Variants in DLG1 observed in about 807,000 individuals in gnomAD.
DLG1 encodes disks large homolog 1.
In DLG1, 42 loss-of-function variants were observed where a neutral mutation model predicts 123.4. The ratio of observed to expected loss-of-function variants is 0.34; its 90% CI spans 0.27 to 0.44. DLG1 has a LOEUF of 0.44. Among genes scored for constraint, DLG1 ranks in the 20% least tolerant of loss-of-function variants. The pLI is 1.00. For missense variants in DLG1, 942 were observed against 1,082.6 expected (o/e 0.87, Z 1.82); for synonymous variants, 317 against 356.2 (o/e 0.89, Z 1.24).
At chr3:197,297,346 G>A (rs549830088) in intron 1 of DLG1, 111 bp from the exon 2 acceptor site, 7 of 1,488,914 alleles carry the variant, frequency 4.7e-6, no homozygotes, top group African/African-American at 2.8e-5. Flanking sequence ...ACGTTCCAAA[G>A]TTTTACCAAG....
At chr3:197,149,619 A>T (rs1792885428) in intron 6 of DLG1, 124 bp downstream of exon 6, 1 of 736,470 alleles carries the variant, frequency 1.4e-6, no homozygotes, top group Admixed American at 2.2e-5. Context: ...GCTATAGTAT[A>T]TAGTGATAGA....
At chr3:197,054,099 A>C (rs1415329236) in intron 23 of DLG1, among the ~76,000 whole-genome samples, 1 of 152,122 alleles carries the variant, frequency 6.6e-6, no homozygotes, top group Non-Finnish European at 1.5e-5. Flanking sequence ...TTGTCTCAAA[A>C]AACAAACAAA....
intron 5 of DLG1, among the ~76,000 whole-genome samples, chr3:197,173,865 A>G (rs1489570573): frequency 6.6e-6 from 1 of 152,208 alleles, no homozygotes; most frequent in Non-Finnish European, 1.5e-5. Context: ...ACACTTTGGG[A>G]GGCCGAGGCA....
intron 4 of DLG1, among the ~76,000 whole-genome samples, chr3:197,219,990 A>T (rs1205135457): frequency 6.6e-6 from 1 of 152,192 alleles, no homozygotes; most frequent in East Asian, 1.9e-4. Flanking sequence ...GCTTTAAAAA[A>T]CATTACTATG....
chr3:197,076,623 G>A lies in DLG1; in HGVS notation c.1968C>T (p.Asn656=). 1 of 1,612,850 alleles carries A rather than the reference G, an allele frequency of 6.2e-7. No individual in the cohort carries two copies. Among genetic ancestry groups the A allele is most frequent in the Non-Finnish European group, 8.5e-7 (1 of 1,179,196 alleles). ...LFSRKFPFYK[N]KDQSEQETSD... ...TTGTTTCCTGCTCACTCTGGTCCTT[G>A]TTCTTGTAGAAGGGGAATTTTCGGG... The change falls in exon 18 of 25, where the codon AAC becomes AAT. Residue 656 remains asparagine, a synonymous_variant. Transcript: ENST00000667157.
intron 4 of DLG1, among the ~76,000 whole-genome samples, chr3:197,227,246 T>C (rs1042953103): frequency 2.0e-5 from 3 of 151,974 alleles, no homozygotes; most frequent in African/African-American, 7.2e-5. Context: ...CCGAGGTGGG[T>C]GGATCATCTG....
chr3:197,155,443 A>T (rs1359527818), intron 5 of DLG1, among the ~76,000 whole-genome samples: 1 of 152,210 alleles, frequency 6.6e-6, no homozygotes, highest in Non-Finnish European at 1.5e-5. Flanking sequence ...TAAAGGTAGC[A>T]GTTCAGGTTG....
At chr3:197,280,832 C>A (rs1209921097) in intron 4 of DLG1, among the ~76,000 whole-genome samples, 1 of 152,036 alleles carries the variant, frequency 6.6e-6, no homozygotes, top group Admixed American at 6.6e-5. Flanking sequence ...TGTCTTAGTC[C>A]CTTCTGTGTT....
intron 5 of DLG1, among the ~76,000 whole-genome samples, chr3:197,161,068 T>C (rs958554868): frequency 2.0e-5 from 3 of 152,200 alleles, no homozygotes; most frequent in African/African-American, 4.8e-5. Flanking sequence ...TTTAAACTGT[T>C]ACACATAATT....
At chr3:197,281,232 T>C (rs1198376529) in intron 4 of DLG1, among the ~76,000 whole-genome samples, 1 of 152,154 alleles carries the variant, frequency 6.6e-6, no homozygotes, top group Admixed American at 6.5e-5. Flanking sequence ...TGAGACGTGG[T>C]TTCACCATGT....
chr3:197,064,526 G>A (rs558644623), intron 22 of DLG1, among the ~76,000 whole-genome samples: 42 of 152,210 alleles, frequency 2.8e-4, no homozygotes, highest in African/African-American at 9.1e-4. Flanking sequence ...ACAGTTGAAC[G>A]TCATTTCCTA....
At chr3:197,137,660 G>A (rs1478253747) in intron 9 of DLG1, among the ~76,000 whole-genome samples, 1 of 151,930 alleles carries the variant, frequency 6.6e-6, no homozygotes, top group African/African-American at 2.4e-5. Context: ...ATGTATAAAA[G>A]CATACATCAA....
rs192555680 is a variant in DLG1, at chr3:197,276,995, G to T, written c.318+5684C>A. Among the ~76,000 whole-genome samples the T allele has an allele frequency of 2.8e-3, 423 of 151,032 alleles. 1 individual carries two copies. The highest frequency in any genetic ancestry group is 9.1e-3 in the African/African-American group (373 of 41,154). ...CAGCCTTGACCTCCAGGACTCAAGC[G>T]ATCTTCCCACCTCAGCCTCCTGAGT... On this transcript the variant is annotated intron_variant, in intron 4 of 24. Transcript: ENST00000667157.
At chr3:197,072,174 T>C (rs1236742486) in intron 18 of DLG1, among the ~76,000 whole-genome samples, 1 of 152,196 alleles carries the variant, frequency 6.6e-6, no homozygotes, top group Non-Finnish European at 1.5e-5. Flanking sequence ...TTCCCAACTG[T>C]AAGACATTTT....
In DLG1 at chr3:197,286,396, G is replaced by A. The variant is rs950363691; in HGVS notation, c.152-3551C>T. 3.3e-5 allele frequency among the ~76,000 whole-genome samples: 5 copies of A among 152,266 alleles called. No homozygotes were observed. In the East Asian group the frequency reaches 7.7e-4, roughly 23 times the overall value. The stretch of plus-strand genomic sequence containing the variant: ...AAACTGTTCCACCTCAGATCATCAG[G>A]CATTAGATTCTCTCATAAGGAGTGC... On this transcript the variant is annotated intron_variant, in intron 3 of 24. Transcript: ENST00000667157.
intron 4 of DLG1, among the ~76,000 whole-genome samples, chr3:197,265,274 T>A (rs914144050): frequency 6.6e-6 from 1 of 152,170 alleles, no homozygotes; most frequent in African/African-American, 2.4e-5. Flanking sequence ...TTAACAGTAT[T>A]TTAGAATACC....
chr3:197,283,552 C>G (rs1770371937), intron 3 of DLG1, among the ~76,000 whole-genome samples: 1 of 152,100 alleles, frequency 6.6e-6, no homozygotes, highest in African/African-American at 2.4e-5. Flanking sequence ...GATCAAATGA[C>G]TTTGCAATCA....
chr3:197,194,514 G>T lies in DLG1; in HGVS notation c.394C>A (p.Pro132Thr), dbSNP rs1038182821. The T allele has an allele frequency of 1.2e-6, 2 of 1,605,958 alleles. No individual in the cohort carries two copies. The highest frequency in any genetic ancestry group is 2.7e-5 in the African/African-American group (2 of 74,458). ...TTCTCTGAGACATGAACCAATTCTG[G>T]ACCTATCACTTCATTTGTGATTTGT... Reference protein sequence around the residue: ...SPQITNEVIGPELVHVSEKNL... With the variant: ...SPQITNEVIGTELVHVSEKNL... The change falls in exon 5 of 25, where the codon CCA (proline) becomes ACA (threonine). Residue 132 changes from proline (P) to threonine (T), a missense_variant. Transcript: ENST00000667157.
intron 4 of DLG1, among the ~76,000 whole-genome samples, chr3:197,255,380 T>C (rs1756369527): frequency 6.6e-6 from 1 of 152,220 alleles, no homozygotes; most frequent in Non-Finnish European, 1.5e-5. Context: ...GTCACCACTT[T>C]GTAATGAAGC....
Sources: allele counts gnomAD v4.1 joint callset (sites outside exome capture counted in the v4.1 genomes callset), GRCh38; gene constraint gnomAD v4.1.1; transcripts MANE v1.5; gene names NCBI Gene and HGNC (gene_info 2026-07-23, HGNC 2026-07-21).